The following ARMH4 variants were observed in gnomAD, a reference collection of about 807,000 sequenced individuals.
ARMH4 encodes armadillo-like helical domain-containing protein 4.
ARMH4 carries 49 observed loss-of-function variants against 61.9 expected under a neutral mutation model. The observed-to-expected ratio is 0.79, with a 90% CI of 0.63 to 1.00. The LOEUF (loss-of-function observed/expected upper bound fraction) is 1.00, where lower values mean the gene tolerates loss of function less well. ARMH4 is among the 50% of genes least tolerant of loss of function. The probability of loss-of-function intolerance (pLI) is 0.00; values close to 1 mark genes in which losing one functional copy is unlikely to be tolerated. For synonymous variants in ARMH4, 368 were observed against 341.5 expected (o/e 1.08, Z -0.85); for missense variants, 934 against 930.0 (o/e 1.00, Z -0.06).
chr14:58,076,881 A>G (rs1180873384), intron 5 of ARMH4, among the ~76,000 whole-genome samples: 1 of 152,122 alleles, frequency 6.6e-6, no homozygotes, highest in Admixed American at 6.5e-5. Context: ...CAAGAATCCT[A>G]TAGTTGAACC....
chr14:58,107,827 C>A (rs1278550324), intron 4 of ARMH4, among the ~76,000 whole-genome samples: 1 of 147,266 alleles, frequency 6.8e-6, no homozygotes, highest in Non-Finnish European at 1.5e-5. Context: ...TGAAAAGAAA[C>A]AAGGTAGCTT....
chr14:58,097,128 C>T (rs1230180871), intron 4 of ARMH4, 147 bp from the exon 5 acceptor site: 9 of 901,942 alleles, frequency 1.0e-5, no homozygotes, highest in Non-Finnish European at 1.6e-5. Flanking sequence ...ACAATGTGAA[C>T]TTTGCAGGAT....
chr14:58,140,105 C>T (rs890305232), intron 1 of ARMH4, among the ~76,000 whole-genome samples: 8 of 144,730 alleles, frequency 5.5e-5, no homozygotes, highest in African/African-American at 2.1e-4. Context: ...CCCATCTCTA[C>T]TAAAAATACA....
At chr14:58,005,234 TG>T (rs1295178719) in intron 6 of ARMH4, 52 bp from the exon 7 acceptor site, 1 of 1,608,374 alleles carries the variant, frequency 6.2e-7, no homozygotes, top group South Asian at 1.1e-5. Context: ...CGCGCCGCCC[TG>T]GGTTTCTCAT....
At chr14:58,038,858 G>A (rs909779785) in intron 5 of ARMH4, among the ~76,000 whole-genome samples, 7 of 152,206 alleles carry the variant, frequency 4.6e-5, no homozygotes, top group Admixed American at 3.9e-4. Context: ...TCAGTTAGAA[G>A]TTACTGAAAA....
chr14:58,134,084 A>G (rs1887220538), intron 2 of ARMH4, among the ~76,000 whole-genome samples: 1 of 152,250 alleles, frequency 6.6e-6, no homozygotes, highest in Admixed American at 6.5e-5. Context: ...TACTACAAAG[A>G]TTAGATAACA....
At chr14:58,023,212 T>A (rs1448476053) in intron 5 of ARMH4, among the ~76,000 whole-genome samples, 1 of 152,192 alleles carries the variant, frequency 6.6e-6, no homozygotes, top group Admixed American at 6.5e-5. Context: ...ATATATGCAA[T>A]GCTGTTTGAG....
chr14:58,096,905 TTCC>T lies in ARMH4; in HGVS notation c.1905_1907del (p.Glu636del). The stretch of plus-strand genomic sequence containing the variant: ...CATCCAGCGAGTCTGCATCTTTATC[TTCC>T]TCATCTTCTTCCTCATCTTCCTCTT... On this transcript the variant is annotated inframe_deletion, in exon 5 of 8. Transcript: ENST00000267485. The T allele has an allele frequency of 6.2e-7, 1 of 1,614,132 alleles. No homozygotes were observed. The highest frequency in any genetic ancestry group is 8.5e-7 in the Non-Finnish European group (1 of 1,180,014).
chr14:58,049,187 C>A (rs987315446), intron 5 of ARMH4, among the ~76,000 whole-genome samples: 1 of 148,314 alleles, frequency 6.7e-6, no homozygotes, highest in Non-Finnish European at 1.5e-5. Context: ...TGCAGTGAGC[C>A]GAGATGGCAC....
At chr14:58,074,006 G>C (rs1884967086) in intron 5 of ARMH4, among the ~76,000 whole-genome samples, 1 of 152,146 alleles carries the variant, frequency 6.6e-6, no homozygotes, top group Admixed American at 6.5e-5. Context: ...GAATCATTGA[G>C]GTTTTATTAT....
chr14:58,100,354 C>T (rs1160142468), intron 4 of ARMH4, among the ~76,000 whole-genome samples: 1 of 152,132 alleles, frequency 6.6e-6, no homozygotes, highest in Non-Finnish European at 1.5e-5. Flanking sequence ...TAAAGTGAGA[C>T]CTGTTAAGAT....
At chr14:58,062,978 T>C (rs1884579817) in intron 5 of ARMH4, among the ~76,000 whole-genome samples, 1 of 152,212 alleles carries the variant, frequency 6.6e-6, no homozygotes, top group African/African-American at 2.4e-5. Flanking sequence ...CCACCCTCAA[T>C]GTGGCTTAAA....
At chr14:58,042,919 G>A (rs946008177) in intron 5 of ARMH4, among the ~76,000 whole-genome samples, 3 of 151,136 alleles carry the variant, frequency 2.0e-5, no homozygotes, top group Admixed American at 6.6e-5. Context: ...TCTGAATAGA[G>A]ACAACTTCTC....
At chr14:58,043,001 T>C (rs1883781941) in intron 5 of ARMH4, among the ~76,000 whole-genome samples, 1 of 152,154 alleles carries the variant, frequency 6.6e-6, no homozygotes, top group Non-Finnish European at 1.5e-5. Context: ...CCAGAAGGAT[T>C]CACAGCCGAA....
intron 5 of ARMH4, among the ~76,000 whole-genome samples, chr14:58,043,402 CA>C (rs906762510): frequency 1.1e-4 from 16 of 152,122 alleles, no homozygotes; most frequent in African/African-American, 3.6e-4. Flanking sequence ...CAAAATTCAA[CA>C]ACGCTTCATG....
intron 5 of ARMH4, among the ~76,000 whole-genome samples, chr14:58,038,563 T>TAAAAAAAAAAAAAAAAAAAAAA (rs71107906): frequency 7.4e-6 from 1 of 135,324 alleles, no homozygotes; most frequent in African/African-American, 2.7e-5. Flanking sequence ...AAAAAAAAAT[T>TAAAAAAAAAAAAAAAAAAAAAA]AAAAAAAAAA....
At chr14:58,014,153 T>TGAA (rs1844864766) in intron 5 of ARMH4, among the ~76,000 whole-genome samples, 1 of 152,330 alleles carries the variant, frequency 6.6e-6, no homozygotes, top group African/African-American at 2.4e-5. Context: ...GTTGAAAATG[T>TGAA]GAAGCTACCT....
intron 5 of ARMH4, among the ~76,000 whole-genome samples, chr14:58,047,775 C>A (rs1481681117): frequency 6.6e-6 from 1 of 152,042 alleles, no homozygotes; most frequent in African/African-American, 2.4e-5. Context: ...AATTAAGGAG[C>A]TTGGGTAAAG....
chr14:58,127,648 C>G (rs1886947423), intron 4 of ARMH4, among the ~76,000 whole-genome samples: 1 of 152,130 alleles, frequency 6.6e-6, no homozygotes, highest in South Asian at 2.1e-4. Flanking sequence ...CCAATCGGAT[C>G]AAGAATTCAA....
Sources: gnomAD v4.1 joint callset for allele counts (sites outside exome capture counted in the v4.1 genomes callset) on GRCh38, gnomAD v4.1.1 for gene constraint, MANE v1.5 for transcripts, NCBI Gene and HGNC (gene_info 2026-07-23, HGNC 2026-07-21) for gene names.